The following PTPRJ variants were observed in gnomAD, a reference collection of about 807,000 sequenced individuals.
PTPRJ encodes the protein receptor-type tyrosine-protein phosphatase eta.
A neutral mutation model predicts 141.3 loss-of-function variants in PTPRJ; 129 were observed. That is an observed-to-expected ratio of 0.91 (90% CI 0.79 to 1.06). PTPRJ has a LOEUF of 1.06. PTPRJ is among the 50% of genes least tolerant of loss of function. PTPRJ has a pLI of 0.00. For synonymous variants in PTPRJ, 610 were observed against 640.5 expected, an observed-to-expected ratio of 0.95 and a Z score of 0.72; for missense variants, 1,601 against 1,679.7, an observed-to-expected ratio of 0.95 and a Z score of 0.82.
intron 1 of PTPRJ, among the ~76,000 whole-genome samples, chr11:48,034,811 C>G (rs893116187): frequency 4.6e-5 from 7 of 152,228 alleles, no homozygotes; most frequent in Admixed American, 4.6e-4. Context: ...TCCCATCAAT[C>G]TCTACTGAAG....
At chr11:48,026,274 A>G (rs1190075588) in intron 1 of PTPRJ, among the ~76,000 whole-genome samples, 1 of 152,172 alleles carries the variant, frequency 6.6e-6, no homozygotes, top group Non-Finnish European at 1.5e-5. Context: ...ACTGATTCTC[A>G]TGAGGAAGGT....
chr11:48,100,391 A>C (rs1433781647), intron 1 of PTPRJ, among the ~76,000 whole-genome samples: 2 of 152,160 alleles, frequency 1.3e-5, no homozygotes, highest in African/African-American at 4.8e-5. Flanking sequence ...TAGTGATGAC[A>C]ATAATAGCTA....
chr11:48,000,112 G>A (rs144338341), intron 1 of PTPRJ, among the ~76,000 whole-genome samples: 1 of 149,468 alleles, frequency 6.7e-6, no homozygotes, highest in Non-Finnish European at 1.5e-5. Context: ...GCCTGCCTTG[G>A]CCTCCCAAAG....
chr11:48,007,351 C>T (rs1159589343), intron 1 of PTPRJ, among the ~76,000 whole-genome samples: 7 of 151,840 alleles, frequency 4.6e-5, no homozygotes, highest in African/African-American at 7.3e-5. Context: ...CGTCGTGATC[C>T]GCCCACCTCG....
chr11:48,035,230 A>G (rs1054028487), intron 1 of PTPRJ, among the ~76,000 whole-genome samples: 3 of 152,204 alleles, frequency 2.0e-5, no homozygotes, highest in African/African-American at 7.2e-5. Flanking sequence ...CACCCCAGGG[A>G]GGCCAGCAGA....
chr11:48,038,078 G>A (rs1854172413), intron 1 of PTPRJ, among the ~76,000 whole-genome samples: 1 of 151,936 alleles, frequency 6.6e-6, no homozygotes. Context: ...GCTGCTCTCT[G>A]TGTCTGTTGT....
chr11:48,029,094 G>A (rs1853907798), intron 1 of PTPRJ, among the ~76,000 whole-genome samples: 1 of 152,156 alleles, frequency 6.6e-6, no homozygotes, highest in Non-Finnish European at 1.5e-5. Flanking sequence ...TGGGGTGCAG[G>A]CCCTCTGCTG....
intron 1 of PTPRJ, among the ~76,000 whole-genome samples, chr11:47,985,849 C>T (rs757107908): frequency 2.0e-5 from 3 of 152,088 alleles, no homozygotes; most frequent in East Asian, 1.9e-4. Context: ...TACAGACGTG[C>T]GCTACCATGC....
At position 47,980,971 on chromosome 11, in the gene PTPRJ, C is replaced by CGCTGCCGCTGCTGCT; in HGVS notation, c.65_79dup (p.Pro22_Leu26dup). Reference sequence around the variant, plus strand: ...CCGCGCTCGCCCGGGCTGCGCTGGGCGCTGCCGCTGCTGCTGCTGCTGCTG... The same window carrying CGCTGCCGCTGCTGCT: ...CCGCGCTCGCCCGGGCTGCGCTGGGCGCTGCCGCTGCTGCTGCTGCCGCTGCTGCTGCTGCTGCTG... On this transcript the variant is annotated inframe_insertion, in exon 1 of 25. Transcript: ENST00000418331. The CGCTGCCGCTGCTGCT allele has an allele frequency of 1.7e-6, 2 of 1,188,364 alleles. No homozygotes were observed. The highest frequency in any genetic ancestry group is 2.1e-6 in the Non-Finnish European group (2 of 961,440). The allele number at this position is 1,188,364 out of a possible 1,614,324, so 73.6% of individuals were successfully genotyped here.
chr11:48,166,971 G>A (rs1256200939), intron 24 of PTPRJ, among the ~76,000 whole-genome samples: 1 of 152,128 alleles, frequency 6.6e-6, no homozygotes, highest in Non-Finnish European at 1.5e-5. Flanking sequence ...GAGGGGAGGT[G>A]TGGAGTGTGC....
chr11:48,150,577 G>A (rs957217659), intron 18 of PTPRJ, among the ~76,000 whole-genome samples: 1 of 152,202 alleles, frequency 6.6e-6, no homozygotes, highest in East Asian at 1.9e-4. Context: ...AGGAATTCAA[G>A]TCAGGGAACT....
chr11:47,984,939 G>A (rs1201606051), intron 1 of PTPRJ, among the ~76,000 whole-genome samples: 1 of 144,876 alleles, frequency 6.9e-6, no homozygotes, highest in Non-Finnish European at 1.5e-5. Flanking sequence ...TGCAACCTCC[G>A]CCTCCTGGGT....
chr11:48,051,994 T>C (rs1854583372), intron 1 of PTPRJ, among the ~76,000 whole-genome samples: 2 of 152,186 alleles, frequency 1.3e-5, no homozygotes, highest in African/African-American at 4.8e-5. Context: ...ACAGTGATGA[T>C]AGTGACAATA....
rs376308164 is a variant in PTPRJ, at chr11:47,990,786, C to T, written c.96+9778C>T. ...CTGCAAGCTCCACCTCCCGGGTTCA[C>T]GCCGTTCTCCTGCCTCAGCCTGGCT... On this transcript the variant is annotated intron_variant, in intron 1 of 24. Coordinates refer to ENST00000418331, the MANE Select transcript of PTPRJ (RefSeq NM_002843.4). Among the ~76,000 whole-genome samples the T allele has an allele frequency of 2.0e-5, 3 of 150,330 alleles. No individual in the cohort carries two copies. In the East Asian group the frequency reaches 5.9e-4, roughly 30 times the overall value.
chr11:48,072,717 T>C (rs1458990369), intron 1 of PTPRJ, among the ~76,000 whole-genome samples: 1 of 152,220 alleles, frequency 6.6e-6, no homozygotes, highest in Non-Finnish European at 1.5e-5. Flanking sequence ...TTTTCTTGAC[T>C]CTTTTTGATC....
intron 1 of PTPRJ, among the ~76,000 whole-genome samples, chr11:48,026,029 C>T (rs986685361): frequency 6.6e-6 from 1 of 152,174 alleles, no homozygotes; most frequent in African/African-American, 2.4e-5. Context: ...AGTCGGCTAC[C>T]CTCCCGACTC....
chr11:48,067,345 G>T (rs1434641484), intron 1 of PTPRJ, among the ~76,000 whole-genome samples: 1 of 152,202 alleles, frequency 6.6e-6, no homozygotes, highest in Admixed American at 6.5e-5. Flanking sequence ...CAATGGTGCG[G>T]ATGACTTCCT....
At chr11:48,081,166 A>T (rs973518737) in intron 1 of PTPRJ, among the ~76,000 whole-genome samples, 2 of 152,270 alleles carry the variant, frequency 1.3e-5, no homozygotes, top group Non-Finnish European at 2.9e-5. Flanking sequence ...ACAGGTGCCC[A>T]GCCTTCTGGA....
intron 1 of PTPRJ, among the ~76,000 whole-genome samples, chr11:47,999,485 C>A (rs1384074145): frequency 6.6e-6 from 1 of 152,196 alleles, no homozygotes; most frequent in African/African-American, 2.4e-5. Flanking sequence ...AGAACTTAGA[C>A]CACTGAGGTA....
Sources: allele counts gnomAD v4.1 joint callset (sites outside exome capture counted in the v4.1 genomes callset), GRCh38; gene constraint gnomAD v4.1.1; transcripts MANE v1.5; gene names NCBI Gene and HGNC (gene_info 2026-07-23, HGNC 2026-07-21).